The following LHPP variants were observed in gnomAD, a reference collection of about 807,000 sequenced individuals.
The protein encoded by LHPP is hLHPP.
In LHPP, 24 loss-of-function variants were observed where a neutral mutation model predicts 30.3. That is an observed-to-expected ratio of 0.79 (90% CI 0.57 to 1.11). The LOEUF is 1.11. Ranked by LOEUF, LHPP falls within the 50% of genes most tolerant of loss-of-function variation. The pLI is 0.00. For missense variants in LHPP, 356 were observed against 367.2 expected, an observed-to-expected ratio of 0.97 and a Z score of 0.25; for synonymous variants, 150 against 157.1, an observed-to-expected ratio of 0.95 and a Z score of 0.34.
intron 6 of LHPP, among the ~76,000 whole-genome samples, chr10:124,601,045 AG>A (rs775268201): frequency 4.6e-5 from 7 of 152,172 alleles, no homozygotes; most frequent in Non-Finnish European, 8.8e-5. Context: ...GGAGGGAGGA[AG>A]GTTTCAGGGA....
chr10:124,588,979 C>T (rs1190246768), intron 6 of LHPP, among the ~76,000 whole-genome samples: 2 of 152,188 alleles, frequency 1.3e-5, no homozygotes, highest in African/African-American at 4.8e-5. Flanking sequence ...TATTTATAGC[C>T]CTGGTGGAGC....
intron 6 of LHPP, among the ~76,000 whole-genome samples, chr10:124,599,325 A>G (rs972841610): frequency 6.6e-6 from 1 of 152,030 alleles, no homozygotes; most frequent in Non-Finnish European, 1.5e-5. Context: ...TGCCATGCCC[A>G]CGACCTGCAC....
chr10:124,521,383 A>C (rs887135848), intron 6 of LHPP, among the ~76,000 whole-genome samples: 5 of 152,228 alleles, frequency 3.3e-5, no homozygotes, highest in Admixed American at 3.3e-4. Flanking sequence ...CATTCTGCAC[A>C]GCGGTGAGCC....
intron 2 of LHPP, among the ~76,000 whole-genome samples, chr10:124,484,995 G>A (rs767303745): frequency 6.6e-6 from 1 of 152,120 alleles, no homozygotes; most frequent in African/African-American, 2.4e-5. Flanking sequence ...TTCTCCATTG[G>A]TCCACTGCAC....
chr10:124,563,869 G>A (rs1948443346), intron 6 of LHPP, among the ~76,000 whole-genome samples: 1 of 152,212 alleles, frequency 6.6e-6, no homozygotes, highest in African/African-American at 2.4e-5. Flanking sequence ...AAAGAGACCA[G>A]GAGCTGCACA....
intron 5 of LHPP, among the ~76,000 whole-genome samples, chr10:124,516,081 A>G (rs1954446465): frequency 6.6e-6 from 1 of 152,206 alleles, no homozygotes; most frequent in Admixed American, 6.5e-5. Flanking sequence ...CCTTGGTATT[A>G]GTCAGCCCAG....
intron 6 of LHPP, among the ~76,000 whole-genome samples, chr10:124,545,572 CT>C (rs2133950668): frequency 6.6e-6 from 1 of 152,276 alleles, no homozygotes; most frequent in African/African-American, 2.4e-5. Context: ...CTGTCAGCGG[CT>C]GGCAGCTGCT....
At chr10:124,485,096 GGCTCTCAAGAAGTGGCGGGT>G (rs1394976864) in intron 2 of LHPP, among the ~76,000 whole-genome samples, 1 of 152,074 alleles carries the variant, frequency 6.6e-6, no homozygotes, top group Non-Finnish European at 1.5e-5. Flanking sequence ...GCAAGGTGGG[GGCTCTCAAGAAGTGGCGGGT>G]GCTCCCTGGA....
chr10:124,471,510 TATATATTTATATA>T lies in LHPP; in HGVS notation c.125+9524_125+9536del, dbSNP rs1412119643. Among the ~76,000 whole-genome samples the T allele has an allele frequency of 5.4e-4, 4 of 7,346 alleles. 1 individual carries two copies. The highest frequency in any genetic ancestry group is 9.7e-4 in the Non-Finnish European group (3 of 3,104). 4.8% of individuals were successfully genotyped at this position (7,346 alleles called of 152,430 possible). A position where few individuals can be genotyped will look rare whatever the true frequency, so the allele number is the denominator to read the frequency against. ...TATATTTATATATATTTATATATTA[TATATATTTATATA>T]TTTATATATATTTATATATATTTTA... On this transcript the variant is annotated intron_variant, in intron 1 of 6. Coordinates refer to ENST00000368842, the MANE Select transcript of LHPP (RefSeq NM_022126.4).
intron 2 of LHPP, among the ~76,000 whole-genome samples, chr10:124,484,665 A>G (rs1953263162): frequency 2.2e-5 from 2 of 89,654 alleles, no homozygotes; most frequent in South Asian, 4.2e-4. Flanking sequence ...CTGTTGAGAA[A>G]GAGACAGAGA....
chr10:124,462,384 A>G (rs966329763), intron 1 of LHPP, among the ~76,000 whole-genome samples: 1 of 152,090 alleles, frequency 6.6e-6, no homozygotes, highest in Non-Finnish European at 1.5e-5. Context: ...GCTTGAGGCT[A>G]GGGGGTTGGA....
chr10:124,526,929 G>A (rs1954755788), intron 6 of LHPP, among the ~76,000 whole-genome samples: 1 of 152,246 alleles, frequency 6.6e-6, no homozygotes, highest in African/African-American at 2.4e-5. Flanking sequence ...GGCCCGCAGT[G>A]AACTTGCAGC....
intron 6 of LHPP, among the ~76,000 whole-genome samples, chr10:124,521,287 C>T (rs530426512): frequency 6.4e-4 from 98 of 152,382 alleles, no homozygotes; most frequent in African/African-American, 2.3e-3. Context: ...CCCTTCCTTC[C>T]AGGAAATACC....
At chr10:124,586,724 A>G (rs1948807952) in intron 6 of LHPP, among the ~76,000 whole-genome samples, 1 of 152,198 alleles carries the variant, frequency 6.6e-6, no homozygotes, top group Non-Finnish European at 1.5e-5. Flanking sequence ...GAGAAGGACC[A>G]CAACTCTCCT....
intron 6 of LHPP, among the ~76,000 whole-genome samples, chr10:124,549,151 G>T (rs1200113440): frequency 6.6e-6 from 1 of 152,192 alleles, no homozygotes; most frequent in Non-Finnish European, 1.5e-5. Context: ...TTTGATGAAT[G>T]TATAGCCAGG....
At position 124,517,391 on chromosome 10, in the gene LHPP, C is replaced by T. The variant is rs1954488081; in HGVS notation, c.716+120C>T. 1 of 629,936 alleles carries T rather than the reference C, an allele frequency of 1.6e-6. No homozygotes were observed. The highest frequency in any genetic ancestry group is 3.4e-5 in the Admixed American group (1 of 29,314). 39.0% of individuals were successfully genotyped at this position (629,936 alleles called of 1,614,324 possible). A position where few individuals can be genotyped will look rare whatever the true frequency, so the allele number is the denominator to read the frequency against. ...TCCAAATCAAAGAGCAGTATGTGGG[C>T]ATTCACTATCTTGTATGTAATGGAC... On this transcript the variant is annotated intron_variant, in intron 6 of 6. Coordinates refer to ENST00000368842, the MANE Select transcript of LHPP (RefSeq NM_022126.4). This position sits in a 1 kb window ranked among gnomAD's most constrained non-coding sequence, Gnocchi z 4.1.
intron 6 of LHPP, among the ~76,000 whole-genome samples, chr10:124,532,914 G>A (rs905697752): frequency 2.0e-5 from 3 of 152,184 alleles, no homozygotes; most frequent in African/African-American, 7.2e-5. Context: ...ACTGGGCTGG[G>A]ACTTGTACTT....
At chr10:124,515,625 G>A (rs11245251) in intron 5 of LHPP, among the ~76,000 whole-genome samples, 19,829 of 152,262 alleles carry the variant, frequency 0.13, 1,648 homozygotes, top group South Asian at 0.31. Context: ...GTGGGATGCA[G>A]TTAAATTACT....
At chr10:124,580,666 T>G (rs1795441664) in intron 6 of LHPP, among the ~76,000 whole-genome samples, 1 of 152,142 alleles carries the variant, frequency 6.6e-6, no homozygotes, top group African/African-American at 2.4e-5. Flanking sequence ...ATGTTTTTAT[T>G]ATATTCATAC....
Sources: gnomAD v4.1 joint callset for allele counts (sites outside exome capture counted in the v4.1 genomes callset) on GRCh38, gnomAD v4.1.1 for gene constraint, Gnocchi (gnomAD v3.1) non-coding constraint, MANE v1.5 for transcripts, NCBI Gene and HGNC (gene_info 2026-07-23, HGNC 2026-07-21) for gene names.